Variants in IMMP2L observed in about 807,000 individuals in gnomAD.
IMMP2L encodes inner mitochondrial membrane peptidase subunit 2, also known as mitochondrial inner membrane protease subunit 2.
IMMP2L carries 18 observed loss-of-function variants against 19.3 expected under a neutral mutation model. That is an observed-to-expected ratio of 0.93 (90% CI 0.64 to 1.38). The LOEUF (loss-of-function observed/expected upper bound fraction) is 1.38, where lower values mean the gene tolerates loss of function less well. IMMP2L is among the 40% of genes most tolerant of loss of function. The probability of loss-of-function intolerance (pLI) is 0.00; values close to 1 mark genes in which losing one functional copy is unlikely to be tolerated. For missense variants in IMMP2L, 233 were observed against 218.2 expected (o/e 1.07, Z -0.43); for synonymous variants, 76 against 73.0 (o/e 1.04, Z -0.21).
chr7:111,275,235 G>A lies in IMMP2L; in HGVS notation c.239+212003C>T, dbSNP rs1050335590. On this transcript the variant is annotated intron_variant, in intron 3 of 5. Coordinates refer to ENST00000405709, the MANE Select transcript of IMMP2L (RefSeq NM_032549.4). ...GCCCACTCATAAGAGGTGGAGGGAC[G>A]CTAATGAGATAAGAGACTTGGCCCA... Among the ~76,000 whole-genome samples, 6 of 152,114 alleles carry A rather than the reference G, an allele frequency of 3.9e-5. 1 individual carries two copies. Among genetic ancestry groups the A allele is most frequent in the East Asian group, 3.9e-4 (2 of 5,194 alleles).
intron 3 of IMMP2L, among the ~76,000 whole-genome samples, chr7:111,379,927 C>T (rs1408218273): frequency 2.6e-5 from 4 of 151,816 alleles, no homozygotes; most frequent in Non-Finnish European, 4.4e-5. Context: ...TCCATGTATA[C>T]ATTGCAAGTG....
At chr7:111,445,717 A>T (rs923268626) in intron 3 of IMMP2L, among the ~76,000 whole-genome samples, 10 of 152,206 alleles carry the variant, frequency 6.6e-5, no homozygotes, top group African/African-American at 2.4e-4. Context: ...AGATGGCCGA[A>T]TAGGAACAGC....
At chr7:110,809,004 G>A (rs564433692) in intron 5 of IMMP2L, among the ~76,000 whole-genome samples, 50 of 151,908 alleles carry the variant, frequency 3.3e-4, no homozygotes, top group South Asian at 4.2e-4. Flanking sequence ...GAAAATCACC[G>A]TTAACCTTCA....
At chr7:111,295,617 A>G (rs1411062175) in intron 3 of IMMP2L, among the ~76,000 whole-genome samples, 1 of 151,954 alleles carries the variant, frequency 6.6e-6, no homozygotes, top group Non-Finnish European at 1.5e-5. Context: ...ACGGTTATTC[A>G]TAAGAAGTCC....
At chr7:111,537,286 A>C (rs1847968692) in intron 1 of IMMP2L, among the ~76,000 whole-genome samples, 1 of 152,144 alleles carries the variant, frequency 6.6e-6, no homozygotes, top group Admixed American at 6.5e-5. Context: ...CAAACTACAC[A>C]GCATTTTATA....
intron 5 of IMMP2L, among the ~76,000 whole-genome samples, chr7:110,838,704 A>C (rs1027684039): frequency 6.6e-6 from 1 of 152,138 alleles, no homozygotes; most frequent in African/African-American, 2.4e-5. Context: ...ATAATAAATA[A>C]ATTCCCTTTT....
intron 1 of IMMP2L, among the ~76,000 whole-genome samples, chr7:111,543,763 T>C (rs1848678400): frequency 6.6e-6 from 1 of 152,194 alleles, no homozygotes; most frequent in Non-Finnish European, 1.5e-5. Flanking sequence ...TCAAAATCTT[T>C]TTTATTCCAT....
At chr7:111,086,409 C>T (rs1414373090) in intron 3 of IMMP2L, among the ~76,000 whole-genome samples, 2 of 151,646 alleles carry the variant, frequency 1.3e-5, no homozygotes, top group Admixed American at 6.6e-5. Flanking sequence ...TGCCATTGCA[C>T]GCCAGCCTGG....
At chr7:110,920,669 A>C (rs1259977487) in intron 4 of IMMP2L, among the ~76,000 whole-genome samples, 3 of 152,164 alleles carry the variant, frequency 2.0e-5, no homozygotes, top group African/African-American at 7.2e-5. Context: ...TCTATGTATC[A>C]TTATCTTTGT....
intron 3 of IMMP2L, among the ~76,000 whole-genome samples, chr7:111,016,455 A>AAT (rs939926968): frequency 7.4e-6 from 1 of 134,300 alleles, no homozygotes; most frequent in African/African-American, 2.8e-5. Context: ...ATATATAATA[A>AAT]ATATATATAT....
chr7:110,801,445 T>C (rs1024986579), intron 5 of IMMP2L, among the ~76,000 whole-genome samples: 7 of 152,126 alleles, frequency 4.6e-5, no homozygotes, highest in African/African-American at 1.7e-4. Flanking sequence ...GTCATTGTTC[T>C]TATGAGAACT....
At chr7:111,079,350 C>T (rs1319665066) in intron 3 of IMMP2L, among the ~76,000 whole-genome samples, 1 of 151,936 alleles carries the variant, frequency 6.6e-6, no homozygotes, top group Admixed American at 6.5e-5. Context: ...ATCTCCTGAC[C>T]TCGTGATCCA....
chr7:111,049,750 A>C (rs1792824055), intron 3 of IMMP2L, among the ~76,000 whole-genome samples: 1 of 152,236 alleles, frequency 6.6e-6, no homozygotes. Context: ...GGCAAAATGC[A>C]AGACCATTTT....
In IMMP2L at chr7:111,300,884, A is replaced by G. The variant is rs111910337; in HGVS notation, c.239+186354T>C. Reference sequence around the variant, plus strand: ...ATGTTGCCAGTTTGGGCCCACCAATAAAGTTGCTACAAACATTCATGTACA... The same window carrying G: ...ATGTTGCCAGTTTGGGCCCACCAATGAAGTTGCTACAAACATTCATGTACA... On this transcript the variant is annotated intron_variant, in intron 3 of 5. Coordinates refer to ENST00000405709, the MANE Select transcript of IMMP2L (RefSeq NM_032549.4). Among the ~76,000 whole-genome samples, 595 of 152,258 alleles carry G rather than the reference A, an allele frequency of 3.9e-3. 4 individuals are homozygous for G. Among genetic ancestry groups the G allele is most frequent in the African/African-American group, 0.013 (542 of 41,548 alleles).
chr7:110,834,308 G>C (rs1412949565), intron 5 of IMMP2L, among the ~76,000 whole-genome samples: 1 of 151,858 alleles, frequency 6.6e-6, no homozygotes, highest in Non-Finnish European at 1.5e-5. Flanking sequence ...TGTAAGAAAT[G>C]GTCACTAGAC....
chr7:111,263,935 G>T (rs1817579788), intron 3 of IMMP2L, among the ~76,000 whole-genome samples: 1 of 152,068 alleles, frequency 6.6e-6, no homozygotes, highest in African/African-American at 2.4e-5. Context: ...CAGGTTGCTG[G>T]TGACCTTAAT....
intron 3 of IMMP2L, among the ~76,000 whole-genome samples, chr7:110,993,367 A>G (rs973228923): frequency 7.9e-5 from 12 of 152,174 alleles, no homozygotes; most frequent in African/African-American, 2.4e-4. Flanking sequence ...TGATTGTCCA[A>G]TGAACAGATC....
chr7:111,522,908 A>G (rs1846473210), intron 1 of IMMP2L, among the ~76,000 whole-genome samples: 1 of 120,538 alleles, frequency 8.3e-6, no homozygotes, highest in Admixed American at 7.8e-5. Context: ...GGATGAATGA[A>G]CTTTAAGATG....
chr7:111,152,813 A>G (rs1355383814), intron 3 of IMMP2L, among the ~76,000 whole-genome samples: 1 of 152,122 alleles, frequency 6.6e-6, no homozygotes, highest in Non-Finnish European at 1.5e-5. Context: ...TTAAATTATT[A>G]TCTATCTCTA....
Sources: gnomAD v4.1 joint callset for allele counts (sites outside exome capture counted in the v4.1 genomes callset) on GRCh38, gnomAD v4.1.1 for gene constraint, MANE v1.5 for transcripts, NCBI Gene and HGNC (gene_info 2026-07-23, HGNC 2026-07-21) for gene names.